The following MYLK variants were observed in gnomAD, a reference collection of about 807,000 sequenced individuals.
MYLK encodes myosin light chain kinase.
A neutral mutation model predicts 203.4 loss-of-function variants in MYLK; 106 were observed. The ratio of observed to expected loss-of-function variants is 0.52; its 90% CI spans 0.45 to 0.61. The LOEUF (loss-of-function observed/expected upper bound fraction) is 0.61, where lower values mean the gene tolerates loss of function less well. MYLK is among the 20% of genes least tolerant of loss of function. The pLI, the probability that MYLK is intolerant of heterozygous loss-of-function variation, is 0.00. For synonymous variants in MYLK, 867 were observed against 959.5 expected (o/e 0.90, Z 1.78); for missense variants, 2,072 against 2,442.3 (o/e 0.85, Z 3.20).
At chr3:123,725,557 T>G (rs537751094) in intron 12 of MYLK, among the ~76,000 whole-genome samples, 1 of 152,316 alleles carries the variant, frequency 6.6e-6, no homozygotes, top group African/African-American at 2.4e-5. Context: ...ATTTGTTCAT[T>G]TATTGACTCA....
intron 2 of MYLK, among the ~76,000 whole-genome samples, chr3:123,841,189 TC>T: frequency 6.6e-6 from 1 of 152,222 alleles, no homozygotes; most frequent in East Asian, 1.9e-4. Flanking sequence ...GTTCAAAAGG[TC>T]CTGGACAACT....
At chr3:123,701,778 G>A (rs1335014731) in intron 16 of MYLK, among the ~76,000 whole-genome samples, 1 of 152,220 alleles carries the variant, frequency 6.6e-6, no homozygotes, top group Non-Finnish European at 1.5e-5. Flanking sequence ...ACACTTTTCT[G>A]TAAGTATATA....
At chr3:123,846,181 G>A (rs1057082990) in intron 2 of MYLK, among the ~76,000 whole-genome samples, 8 of 152,114 alleles carry the variant, frequency 5.3e-5, no homozygotes, top group African/African-American at 1.9e-4. Flanking sequence ...GTCTCTTTGG[G>A]AACCCTTTCT....
chr3:123,830,783 G>A (rs2066298084), intron 3 of MYLK, among the ~76,000 whole-genome samples: 1 of 152,136 alleles, frequency 6.6e-6, no homozygotes, highest in Non-Finnish European at 1.5e-5. Context: ...GTAGCAGCGG[G>A]AAACCACCTT....
At chr3:123,820,541 G>T (rs911866067) in intron 3 of MYLK, among the ~76,000 whole-genome samples, 1 of 152,060 alleles carries the variant, frequency 6.6e-6, no homozygotes, top group African/African-American at 2.4e-5. Context: ...TTAGATCGAG[G>T]ATTTGTGTGC....
chr3:123,830,527 A>G (rs999131984), intron 3 of MYLK, among the ~76,000 whole-genome samples: 1 of 152,250 alleles, frequency 6.6e-6, no homozygotes, highest in Non-Finnish European at 1.5e-5. Context: ...AAGCAGGTTT[A>G]GCACCATGGG....
intron 20 of MYLK, among the ~76,000 whole-genome samples, chr3:123,675,715 G>A (rs766427066): frequency 1.3e-5 from 2 of 152,150 alleles, no homozygotes; most frequent in East Asian, 1.9e-4. Flanking sequence ...TCTGCCAAAG[G>A]CTCCTGAAAA....
chr3:123,883,971 C>T (rs1270474230), intron 1 of MYLK, among the ~76,000 whole-genome samples: 1 of 152,150 alleles, frequency 6.6e-6, no homozygotes, highest in Non-Finnish European at 1.5e-5. Context: ...GAAAGGCAAT[C>T]GCATCAGTGT....
At chr3:123,785,559 C>T (rs2064480234) in intron 4 of MYLK, among the ~76,000 whole-genome samples, 1 of 152,224 alleles carries the variant, frequency 6.6e-6, no homozygotes, top group South Asian at 2.1e-4. Context: ...TTGAATGAAT[C>T]TTGAGAATTC....
In MYLK at chr3:123,642,675, G is replaced by T. The variant is rs2058879000; in HGVS notation, c.4620-2171C>A. ...CTCCAAGACAAACTCTCATCTACAA[G>T]TATTCTTAGGTCTCAGCCAGTTATT... On this transcript the variant is annotated intron_variant, in intron 27 of 33. Transcript: ENST00000360304. The surrounding 1 kb of genome is among the most constrained non-coding windows in gnomAD (Gnocchi z 4.2). Among the ~76,000 whole-genome samples the T allele has an allele frequency of 1.3e-5, 2 of 152,280 alleles. No individual in the cohort carries two copies. The highest frequency in any genetic ancestry group is 3.9e-4 in the East Asian group (2 of 5,190).
rs2033721668 is a variant in MYLK at position 123,884,290 on chromosome 3, C to A, written c.-270G>T. 1 of 147,912 alleles carries A rather than the reference C, an allele frequency of 6.8e-6. No individual in the cohort carries two copies. Among genetic ancestry groups the A allele is most frequent in the South Asian group, 2.1e-4 (1 of 4,804 alleles). 9.2% of individuals were successfully genotyped at this position (147,912 alleles called of 1,614,324 possible). ...GCAGGCGCACAGCGCGGGCTCCGAG[C>A]TCGCTCAGCGCCCTGCTGCCGACCG... On this transcript the variant is annotated 5_prime_UTR_variant, in exon 1 of 34. Coordinates refer to ENST00000360304, the MANE Select transcript of MYLK (RefSeq NM_053025.4).
At position 123,714,744 on chromosome 3, in the gene MYLK, T is replaced by C. The variant is rs1368942060; in HGVS notation, c.1805-4851A>G. The stretch of plus-strand genomic sequence containing the variant: ...CTTGCCTAGGATTAAGGATCTAAAG[T>C]GCATTTATCTGTTGCTCTGTTACTT... On this transcript the variant is annotated intron_variant, in intron 13 of 33. Transcript: ENST00000360304. 5.9e-5 allele frequency among the ~76,000 whole-genome samples: 9 copies of C among 152,202 alleles called. No homozygotes were observed. The East Asian group carries it at 1.7e-3, about 29-fold the overall frequency.
intron 20 of MYLK, among the ~76,000 whole-genome samples, chr3:123,668,657 A>T (rs1302256005): frequency 2.6e-5 from 4 of 152,076 alleles, no homozygotes; most frequent in African/African-American, 9.7e-5. Flanking sequence ...ACTGCAGGGA[A>T]ATTATACCTT....
chr3:123,689,074 T>A (rs1220014817), intron 19 of MYLK, among the ~76,000 whole-genome samples: 1 of 152,076 alleles, frequency 6.6e-6, no homozygotes, highest in African/African-American at 2.4e-5. Context: ...AATGACTGAG[T>A]GATGGCATGA....
intron 3 of MYLK, among the ~76,000 whole-genome samples, chr3:123,801,279 G>T (rs889040361): frequency 1.3e-5 from 2 of 152,072 alleles, no homozygotes. Flanking sequence ...GGACATCCAG[G>T]GCACATTTTG....
intron 4 of MYLK, among the ~76,000 whole-genome samples, chr3:123,780,304 C>T (rs545995280): frequency 3.3e-5 from 5 of 152,142 alleles, no homozygotes; most frequent in East Asian, 1.9e-4. Context: ...CATGGTGGCA[C>T]GTGCCTGTAA....
At chr3:123,664,373 G>A in intron 22 of MYLK, 115 bp from the exon 23 acceptor site, 3 of 1,453,092 alleles carry the variant, frequency 2.1e-6, no homozygotes, top group Non-Finnish European at 2.9e-6. Context: ...AGCTGTGGGG[G>A]GGCTCAGTCT....
chr3:123,735,684 G>T, intron 8 of MYLK: 2 of 435,558 alleles, frequency 4.6e-6, no homozygotes. Flanking sequence ...TAAACAGAAG[G>T]AAAAAAAACC....
chr3:123,860,008 A>T lies in MYLK; in HGVS notation c.-127+16551T>A, dbSNP rs374019772. Among the ~76,000 whole-genome samples, 19 of 152,260 alleles carry T rather than the reference A, an allele frequency of 1.2e-4. No individual in the cohort carries two copies. In the East Asian group the frequency reaches 3.3e-3, roughly 26 times the overall value. ...CCTCAGAAGGAAGGAAAAAGGCATG[A>T]TTCTAAACTAAACACAATTCTAAAA... On this transcript the variant is annotated intron_variant, in intron 2 of 33. Transcript: ENST00000360304.
Sources: gnomAD v4.1 joint callset for allele counts (sites outside exome capture counted in the v4.1 genomes callset) on GRCh38, gnomAD v4.1.1 for gene constraint, Gnocchi (gnomAD v3.1) non-coding constraint, MANE v1.5 for transcripts, NCBI Gene and HGNC (gene_info 2026-07-23, HGNC 2026-07-21) for gene names.